LRMDA: variants seen among roughly 807,000 people sequenced by gnomAD.
The protein encoded by LRMDA is leucine-rich melanocyte differentiation-associated protein.
Under a neutral mutation model 29.8 loss-of-function variants are expected in LRMDA, and 18 were observed. That is an observed-to-expected ratio of 0.60 (90% CI 0.42 to 0.90). The LOEUF (loss-of-function observed/expected upper bound fraction) is 0.90. LRMDA is among the 40% of genes least tolerant of loss of function. The probability of loss-of-function intolerance (pLI) is 0.00; values close to 1 mark genes in which losing one functional copy is unlikely to be tolerated. For missense variants in LRMDA, 273 were observed against 273.9 expected, an observed-to-expected ratio of 1.00 and a Z score of 0.02; for synonymous variants, 125 against 109.4, an observed-to-expected ratio of 1.14 and a Z score of -0.89.
chr10:75,895,771 A>G (rs1845570559), intron 2 of LRMDA, among the ~76,000 whole-genome samples: 1 of 152,206 alleles, frequency 6.6e-6, no homozygotes, highest in Non-Finnish European at 1.5e-5. Context: ...TTCTGAAATA[A>G]GCGGGTTTAT....
At chr10:75,814,230 T>C (rs77719600) in intron 2 of LRMDA, among the ~76,000 whole-genome samples, 1,873 of 152,304 alleles carry the variant, frequency 0.012, 49 homozygotes, top group African/African-American at 0.043. Flanking sequence ...TCTTGTTTTC[T>C]TGAGAATTCT....
At chr10:75,967,073 C>G (rs1265756910) in intron 2 of LRMDA, among the ~76,000 whole-genome samples, 2 of 152,172 alleles carry the variant, frequency 1.3e-5, no homozygotes, top group Admixed American at 1.3e-4. Context: ...GTAGTCAGTA[C>G]AAGTTTCCTT....
At chr10:75,877,861 C>G (rs1845226024) in intron 2 of LRMDA, among the ~76,000 whole-genome samples, 1 of 152,126 alleles carries the variant, frequency 6.6e-6, no homozygotes, top group Non-Finnish European at 1.5e-5. Flanking sequence ...ATCCTTAGCA[C>G]AAATGAAGCA....
intron 2 of LRMDA, among the ~76,000 whole-genome samples, chr10:75,441,331 C>A (rs1353235985): frequency 6.6e-6 from 1 of 152,218 alleles, no homozygotes; most frequent in Non-Finnish European, 1.5e-5. Flanking sequence ...AGCTCCCTGA[C>A]CATCTTTCGG....
chr10:75,579,861 A>T (rs1204410730), intron 2 of LRMDA, among the ~76,000 whole-genome samples: 1 of 152,254 alleles, frequency 6.6e-6, no homozygotes, highest in Non-Finnish European at 1.5e-5. Flanking sequence ...TCCTTTGACA[A>T]AATTCAACAG....
rs1256120614 is a variant in LRMDA, at chr10:76,365,071, T to TATACACACAC, written c.601+40587_601+40588insTACACACACA. ...TGCATAGTATTCCATCGTATATATA[T>TATACACACAC]ACACACACACACACATATATATATA... On this transcript the variant is annotated intron_variant, in intron 6 of 6. Coordinates refer to ENST00000611255, the MANE Select transcript of LRMDA (RefSeq NM_001305581.2). Among the ~76,000 whole-genome samples, 631 of 91,074 alleles carry TATACACACAC rather than the reference T, an allele frequency of 6.9e-3. 3 individuals carry two copies. The highest frequency in any genetic ancestry group is 0.024 in the African/African-American group (561 of 22,960). The allele number at this position is 91,074 out of a possible 152,430, so 59.7% of individuals were successfully genotyped here.
chr10:76,142,683 TTTA>T (rs35542542), intron 5 of LRMDA, among the ~76,000 whole-genome samples: 99,708 of 147,324 alleles, frequency 0.68, 34,108 homozygotes, highest in East Asian at 0.85. Context: ...TGTTATTATC[TTTA>T]TTATTATTAT....
At chr10:75,980,419 C>T (rs578253939) in intron 2 of LRMDA, among the ~76,000 whole-genome samples, 39 of 152,254 alleles carry the variant, frequency 2.6e-4, no homozygotes, top group South Asian at 1.0e-3. Flanking sequence ...AGGGGCCCTT[C>T]GGATATGCAG....
chr10:76,199,443 A>G (rs904483483), intron 5 of LRMDA, among the ~76,000 whole-genome samples: 1 of 152,136 alleles, frequency 6.6e-6, no homozygotes, highest in Non-Finnish European at 1.5e-5. Context: ...CCTTATCCTT[A>G]AAGTAGGGAT....
chr10:75,905,161 G>A (rs1008814506), intron 2 of LRMDA, among the ~76,000 whole-genome samples: 13 of 151,342 alleles, frequency 8.6e-5, no homozygotes, highest in Admixed American at 2.6e-4. Flanking sequence ...GAAAATATTT[G>A]TCCCTTTGCT....
At chr10:75,775,227 G>A (rs1166453595) in intron 2 of LRMDA, among the ~76,000 whole-genome samples, 2 of 152,184 alleles carry the variant, frequency 1.3e-5, no homozygotes, top group Non-Finnish European at 1.5e-5. Context: ...ACTCAAACAA[G>A]CATTGGAGAT....
chr10:76,200,235 A>G (rs1411838610), intron 5 of LRMDA, among the ~76,000 whole-genome samples: 1 of 152,180 alleles, frequency 6.6e-6, no homozygotes, highest in Non-Finnish European at 1.5e-5. Context: ...AAGTGCTGGG[A>G]TGACAGGCAT....
At chr10:75,860,864 T>A (rs1844917463) in intron 2 of LRMDA, among the ~76,000 whole-genome samples, 2 of 152,196 alleles carry the variant, frequency 1.3e-5, no homozygotes, top group Admixed American at 1.3e-4. Context: ...AGACCTAGCA[T>A]CCTGGCTTGC....
intron 6 of LRMDA, among the ~76,000 whole-genome samples, chr10:76,461,349 A>G (rs576533803): frequency 1.8e-3 from 267 of 152,278 alleles, no homozygotes; most frequent in African/African-American, 6.2e-3. Flanking sequence ...CTTCACTGCC[A>G]GTGAACTCTA....
chr10:76,174,891 AG>A (rs58319009), intron 5 of LRMDA, among the ~76,000 whole-genome samples: 60,156 of 152,080 alleles, frequency 0.4, 14,674 homozygotes, highest in East Asian at 0.77. Context: ...AGGCCGAGGC[AG>A]GGGGGATTGC....
intron 2 of LRMDA, among the ~76,000 whole-genome samples, chr10:75,621,152 G>T (rs768677793): frequency 1.3e-5 from 2 of 151,676 alleles, no homozygotes; most frequent in African/African-American, 2.4e-5. Flanking sequence ...CCAGGTTGCT[G>T]CAAATACCAT....
At chr10:76,446,719 T>G (rs1407711328) in intron 6 of LRMDA, among the ~76,000 whole-genome samples, 1 of 152,176 alleles carries the variant, frequency 6.6e-6, no homozygotes, top group Non-Finnish European at 1.5e-5. Context: ...GATCCAGGTT[T>G]TCATCTCAAG....
chr10:75,490,237 C>G (rs150177176), intron 2 of LRMDA, among the ~76,000 whole-genome samples: 1 of 152,092 alleles, frequency 6.6e-6, no homozygotes, highest in Non-Finnish European at 1.5e-5. Context: ...ATATAATTAA[C>G]TAAATAGAGG....
intron 6 of LRMDA, among the ~76,000 whole-genome samples, chr10:76,526,927 A>G (rs1415761718): frequency 6.6e-6 from 1 of 151,118 alleles, no homozygotes; most frequent in African/African-American, 2.4e-5. Context: ...ACATGTATAC[A>G]TATGTAACCT....
Sources: gnomAD v4.1 joint callset for allele counts (sites outside exome capture counted in the v4.1 genomes callset) on GRCh38, gnomAD v4.1.1 for gene constraint, MANE v1.5 for transcripts, NCBI Gene and HGNC (gene_info 2026-07-23, HGNC 2026-07-21) for gene names.